XIRP2: variants seen among roughly 807,000 people sequenced by gnomAD.
XIRP2 encodes the protein xin actin binding repeat containing 2.
A neutral mutation model predicts 277.0 loss-of-function variants in XIRP2; 236 were observed. The ratio of observed to expected loss-of-function variants is 0.85; its 90% CI spans 0.77 to 0.95. The LOEUF is 0.95. Ranked by LOEUF, XIRP2 falls within the 40% of genes least tolerant of loss-of-function variation. The pLI, the probability that XIRP2 is intolerant of heterozygous loss-of-function variation, is 0.00. For missense variants in XIRP2, 4,640 were observed against 4,157.5 expected, an observed-to-expected ratio of 1.12 and a Z score of -3.19; for synonymous variants, 1,490 against 1,416.5, an observed-to-expected ratio of 1.05 and a Z score of -1.17.
At chr2:167,176,919 C>T (rs1258037583) in intron 3 of XIRP2, among the ~76,000 whole-genome samples, 2 of 152,150 alleles carry the variant, frequency 1.3e-5, no homozygotes, top group African/African-American at 4.8e-5. Flanking sequence ...CTGTCTGCTC[C>T]TCTGTCCCTA....
At chr2:167,062,940 T>G (rs1164524188) in intron 2 of XIRP2, among the ~76,000 whole-genome samples, 1 of 151,946 alleles carries the variant, frequency 6.6e-6, no homozygotes, top group Non-Finnish European at 1.5e-5. Context: ...CTTTTTCATT[T>G]TATTAATTTC....
intron 3 of XIRP2, among the ~76,000 whole-genome samples, chr2:167,179,505 A>G (rs1486590556): frequency 6.6e-6 from 1 of 151,868 alleles, no homozygotes; most frequent in African/African-American, 2.4e-5. Context: ...TATCTTTAGT[A>G]GTGACAGGGT....
chr2:167,254,937 G>A (rs549716697), intron 10 of XIRP2, among the ~76,000 whole-genome samples: 3 of 149,182 alleles, frequency 2.0e-5, no homozygotes, highest in Non-Finnish European at 4.5e-5. Context: ...AATCTAATGT[G>A]CATCTCTCAC....
chr2:167,114,464 C>A (rs937313444), intron 2 of XIRP2, among the ~76,000 whole-genome samples: 2 of 151,822 alleles, frequency 1.3e-5, no homozygotes, highest in African/African-American at 4.8e-5. Context: ...TATTATTATA[C>A]TTTAAGTTTT....
At chr2:167,095,275 T>A (rs1690268100) in intron 2 of XIRP2, among the ~76,000 whole-genome samples, 2 of 152,190 alleles carry the variant, frequency 1.3e-5, no homozygotes, top group African/African-American at 2.4e-5. Context: ...ATAATTTGAT[T>A]TCCTCTCCTC....
chr2:167,212,059 C>T (rs1357277796), intron 4 of XIRP2, among the ~76,000 whole-genome samples: 3 of 152,124 alleles, frequency 2.0e-5, no homozygotes, highest in Non-Finnish European at 4.4e-5. Flanking sequence ...AGAGACAAGG[C>T]TGACTGTGCC....
chr2:167,078,837 C>CAA (rs71031277), intron 2 of XIRP2, among the ~76,000 whole-genome samples: 195 of 127,180 alleles, frequency 1.5e-3, no homozygotes, highest in African/African-American at 5.2e-3. Flanking sequence ...GACTCCGTCT[C>CAA]AAAAAAAAAA....
At chr2:166,961,629 T>C (rs906142629) in intron 2 of XIRP2, among the ~76,000 whole-genome samples, 2 of 151,760 alleles carry the variant, frequency 1.3e-5, no homozygotes, top group African/African-American at 4.8e-5. Context: ...GGAATAGATA[T>C]GAGAAATTTA....
chr2:166,963,086 T>TTA (rs931693772), intron 2 of XIRP2, among the ~76,000 whole-genome samples: 2 of 151,732 alleles, frequency 1.3e-5, no homozygotes, highest in South Asian at 2.1e-4. Context: ...TCACTATTCA[T>TTA]TATATATATT....
chr2:167,044,905 A>G (rs1688751448), intron 2 of XIRP2, among the ~76,000 whole-genome samples: 1 of 152,062 alleles, frequency 6.6e-6, no homozygotes, highest in African/African-American at 2.4e-5. Context: ...AGCCTCTTAC[A>G]AAATTCATAT....
intron 2 of XIRP2, among the ~76,000 whole-genome samples, chr2:166,928,174 G>A (rs376135493): frequency 8.5e-5 from 13 of 152,206 alleles, no homozygotes; most frequent in African/African-American, 2.2e-4. Flanking sequence ...TAAAATGAGC[G>A]TAGTTAAAGA....
chr2:167,200,928 C>T (rs1314786997), intron 3 of XIRP2, among the ~76,000 whole-genome samples: 1 of 151,786 alleles, frequency 6.6e-6, no homozygotes, highest in Non-Finnish European at 1.5e-5. Flanking sequence ...GAGTTTGAGA[C>T]CAGCCTGGCC....
chr2:167,004,813 T>C (rs1558944036), intron 2 of XIRP2, among the ~76,000 whole-genome samples: 1 of 151,730 alleles, frequency 6.6e-6, no homozygotes. Flanking sequence ...AATGATGAAA[T>C]ACAGAAACTA....
At chr2:166,902,454 T>C (rs561855831) in intron 1 of XIRP2, among the ~76,000 whole-genome samples, 1 of 152,202 alleles carries the variant, frequency 6.6e-6, no homozygotes, top group Admixed American at 6.6e-5. Context: ...TCTGATGTAT[T>C]GTTTACCAGA....
intron 2 of XIRP2, among the ~76,000 whole-genome samples, chr2:166,981,329 C>T (rs1342351227): frequency 6.6e-6 from 1 of 152,052 alleles, no homozygotes; most frequent in Non-Finnish European, 1.5e-5. Flanking sequence ...GTTTTACAGA[C>T]ACATCATTTC....
rs935860177 is a variant in XIRP2 at position 167,251,479 on chromosome 2, A to G, written c.10087A>G (p.Asn3363Asp). 2 of 1,613,620 alleles carry G rather than the reference A, an allele frequency of 1.2e-6. No individual in the cohort carries two copies. Among genetic ancestry groups the G allele is most frequent in the Non-Finnish European group, 1.7e-6 (2 of 1,179,670 alleles). Residue 3363 changes from asparagine to aspartate, a missense_variant, in exon 9 of 11, where the codon AAC becomes GAC. Transcript: ENST00000409195. ...TTATGCAAAGGGAGAAACAAACCAT[A>G]ACATACAACAAGAAAGTCGTACATT... Reference protein sequence around the residue: ...RVYAKGETNHNIQQESRTFCK... With the variant: ...RVYAKGETNHDIQQESRTFCK...
chr2:167,062,596 C>A (rs1309363730), intron 2 of XIRP2, among the ~76,000 whole-genome samples: 3 of 152,072 alleles, frequency 2.0e-5, no homozygotes, highest in Non-Finnish European at 4.4e-5. Context: ...GATATTATTT[C>A]TAACTGTAAT....
intron 5 of XIRP2, among the ~76,000 whole-genome samples, chr2:167,232,962 A>G (rs990194859): frequency 6.6e-6 from 1 of 151,926 alleles, no homozygotes. Flanking sequence ...GCACTCAAGG[A>G]GCTCACTCTA....
intron 3 of XIRP2, among the ~76,000 whole-genome samples, chr2:167,150,984 A>G (rs924071748): frequency 6.6e-5 from 10 of 152,128 alleles, no homozygotes; most frequent in Non-Finnish European, 1.3e-4. Flanking sequence ...GTTTAAAAAT[A>G]TTAGTGAATA....
Sources: gnomAD v4.1 joint callset for allele counts (sites outside exome capture counted in the v4.1 genomes callset) on GRCh38, gnomAD v4.1.1 for gene constraint, MANE v1.5 for transcripts, NCBI Gene and HGNC (gene_info 2026-07-23, HGNC 2026-07-21) for gene names.